COL22A1: variants seen among roughly 807,000 people sequenced by gnomAD.
The protein encoded by COL22A1 is collagen alpha-1(XXII) chain.
A neutral mutation model predicts 248.9 loss-of-function variants in COL22A1; 221 were observed. The observed-to-expected ratio is 0.89, with a 90% CI of 0.80 to 0.99. The LOEUF (loss-of-function observed/expected upper bound fraction) is 0.99. Among genes scored for constraint, COL22A1 ranks in the 50% least tolerant of loss-of-function variants. The probability of loss-of-function intolerance (pLI) is 0.00; values close to 1 mark genes in which losing one functional copy is unlikely to be tolerated. For missense variants in COL22A1, 2,240 were observed against 2,179.0 expected (o/e 1.03, Z -0.56); for synonymous variants, 891 against 793.4 (o/e 1.12, Z -2.07).
At chr8:138,613,361 C>T (rs552884359) in intron 56 of COL22A1, among the ~76,000 whole-genome samples, 89 of 152,272 alleles carry the variant, frequency 5.8e-4, no homozygotes, top group East Asian at 2.7e-3. Flanking sequence ...CCAAGGAACG[C>T]CCTCGAGAGC....
At chr8:138,843,998 G>C in intron 4 of COL22A1, 86 bp downstream of exon 4, 2 of 1,189,368 alleles carry the variant, frequency 1.7e-6, no homozygotes, top group Non-Finnish European at 2.5e-6. Flanking sequence ...GGTCAGTGAG[G>C]CCACCCCTGA....
intron 49 of COL22A1, among the ~76,000 whole-genome samples, chr8:138,633,546 TC>T (rs1405266471): frequency 6.6e-6 from 1 of 152,232 alleles, no homozygotes; most frequent in Non-Finnish European, 1.5e-5. Flanking sequence ...TCTGAGATCC[TC>T]AGCTGTTAAG....
intron 3 of COL22A1, among the ~76,000 whole-genome samples, chr8:138,850,351 T>TAGA (rs1821541214): frequency 3.3e-5 from 5 of 152,340 alleles, no homozygotes; most frequent in African/African-American, 1.2e-4. Flanking sequence ...TCACAGGAAG[T>TAGA]CTGTGTGACA....
intron 11 of COL22A1, among the ~76,000 whole-genome samples, chr8:138,802,369 G>C (rs533126817): frequency 6.6e-6 from 1 of 152,094 alleles, no homozygotes; most frequent in South Asian, 2.1e-4. Context: ...AGGACACCTG[G>C]GAGTCCTCTG....
chr8:138,642,831 C>T (rs1287747795), intron 47 of COL22A1, among the ~76,000 whole-genome samples: 1 of 152,100 alleles, frequency 6.6e-6, no homozygotes, highest in African/African-American at 2.4e-5. Flanking sequence ...GAGTTTGAGA[C>T]CAGCCTGACC....
chr8:138,804,970 GGTATGTGGTGGTGT>G (rs1324650372), intron 10 of COL22A1, among the ~76,000 whole-genome samples: 5 of 133,738 alleles, frequency 3.7e-5, no homozygotes, highest in South Asian at 2.6e-4. Flanking sequence ...TGTAGGTAAT[GGTATGTGGTGGTGT>G]GTGTGTGATG....
At chr8:138,763,933 A>C (rs1370307008) in intron 16 of COL22A1, among the ~76,000 whole-genome samples, 1 of 151,866 alleles carries the variant, frequency 6.6e-6, no homozygotes, top group Admixed American at 6.6e-5. Flanking sequence ...AGGTGCGTTC[A>C]CTCTTGGTTC....
chr8:138,866,442 T>A (rs994150191), intron 3 of COL22A1, among the ~76,000 whole-genome samples: 9 of 152,248 alleles, frequency 5.9e-5, no homozygotes, highest in African/African-American at 2.2e-4. Flanking sequence ...TTTACAACTA[T>A]CTTATAGAGA....
Position 138,604,904 on chromosome 8 carries a change from G to A in COL22A1, c.4105-135C>T. On this transcript the variant is annotated intron_variant, in intron 58 of 64. Transcript: ENST00000303045. Reference sequence around the variant, plus strand: ...ACAATCGATGGTCTACCTGGCCAAGGACATCCCAGACAGGCTCTCTGGCCA... The same window carrying A: ...ACAATCGATGGTCTACCTGGCCAAGAACATCCCAGACAGGCTCTCTGGCCA... 4.9e-6 allele frequency: 4 copies of A among 817,148 alleles called. No individual in the cohort carries two copies. The South Asian group carries it at 6.4e-5, about 13-fold the overall frequency. The allele number at this position is 817,148 out of a possible 1,614,324, so 50.6% of individuals were successfully genotyped here. A position where few individuals can be genotyped will look rare whatever the true frequency, so the allele number is the denominator to read the frequency against.
At chr8:138,744,528 A>G (rs77617935) in intron 22 of COL22A1, among the ~76,000 whole-genome samples, 1,677 of 152,230 alleles carry the variant, frequency 0.011, 45 homozygotes, top group African/African-American at 0.039. Flanking sequence ...ATTGAAGCAA[A>G]GAGGGTGGAG....
At chr8:138,693,525 G>T in intron 35 of COL22A1, 121 bp downstream of exon 35, 1 of 1,014,658 alleles carries the variant, frequency 9.9e-7, no homozygotes, top group South Asian at 1.4e-5. Context: ...AAGTGTGGGT[G>T]AACCTTCTGG....
At chr8:138,830,262 A>G (rs1819936587) in intron 5 of COL22A1, among the ~76,000 whole-genome samples, 1 of 152,208 alleles carries the variant, frequency 6.6e-6, no homozygotes, top group African/African-American at 2.4e-5. Context: ...GCTAAGTGAA[A>G]AGTGTAATAC....
intron 6 of COL22A1, among the ~76,000 whole-genome samples, chr8:138,822,692 C>T (rs1819247606): frequency 1.3e-5 from 2 of 152,286 alleles, no homozygotes; most frequent in Non-Finnish European, 2.9e-5. Context: ...TCTAGTTGAG[C>T]TTGGCCCATG....
At chr8:138,768,278 ACT>A (rs1834067480) in intron 16 of COL22A1, among the ~76,000 whole-genome samples, 1 of 151,794 alleles carries the variant, frequency 6.6e-6, no homozygotes, top group Admixed American at 6.6e-5. Context: ...TGTCTTGCTC[ACT>A]CTCGGCCACA....
chr8:138,662,308 T>C (rs139178950), intron 42 of COL22A1, among the ~76,000 whole-genome samples: 123 of 152,222 alleles, frequency 8.1e-4, no homozygotes, highest in African/African-American at 2.8e-3. Flanking sequence ...AAATCTTCAT[T>C]TTGAGCCTGA....
chr8:138,613,845 T>C (rs2131895784), intron 56 of COL22A1, 22 bp downstream of exon 56: 1 of 1,608,032 alleles, frequency 6.2e-7, no homozygotes, highest in Middle Eastern at 1.7e-4. Context: ...ATGAAGCACA[T>C]TAGTCGCAAA....
intron 45 of COL22A1, among the ~76,000 whole-genome samples, chr8:138,652,358 C>T (rs543517622): frequency 6.0e-4 from 92 of 152,330 alleles, no homozygotes; most frequent in African/African-American, 2.0e-3. Flanking sequence ...AAATGCCTGA[C>T]ACTGTCCTGA....
chr8:138,767,646 G>A (rs1292066354), intron 16 of COL22A1, among the ~76,000 whole-genome samples: 1 of 152,186 alleles, frequency 6.6e-6, no homozygotes. Flanking sequence ...CATTTCAAGC[G>A]ATCGTATGGG....
chr8:138,685,506 G>A (rs973359579), intron 37 of COL22A1, among the ~76,000 whole-genome samples, 194 bp from the exon 38 acceptor site: 5 of 152,146 alleles, frequency 3.3e-5, no homozygotes, highest in Admixed American at 6.5e-5. Context: ...CCCAAAATTC[G>A]TGTCTTGAAG....
Sources: allele counts gnomAD v4.1 joint callset (sites outside exome capture counted in the v4.1 genomes callset), GRCh38; gene constraint gnomAD v4.1.1; transcripts MANE v1.5; gene names NCBI Gene and HGNC (gene_info 2026-07-23, HGNC 2026-07-21).